The following DLC1 variants were observed in gnomAD, a reference collection of about 807,000 sequenced individuals.
The protein encoded by DLC1 is DLC1 Rho GTPase activating protein.
DLC1 carries 54 observed loss-of-function variants against 140.3 expected under a neutral mutation model. The ratio of observed to expected loss-of-function variants is 0.38; its 90% CI spans 0.31 to 0.48. DLC1 has a LOEUF of 0.48. DLC1 is among the 20% of genes least tolerant of loss of function. DLC1 has a pLI of 0.96. For missense variants in DLC1, 2,536 were observed against 1,907.0 expected (o/e 1.33, Z -6.14); for synonymous variants, 986 against 728.1 (o/e 1.35, Z -5.70).
chr8:13,373,430 T>C (rs899604051), intron 4 of DLC1, among the ~76,000 whole-genome samples: 4 of 152,184 alleles, frequency 2.6e-5, no homozygotes, highest in African/African-American at 9.7e-5. Flanking sequence ...AAGTTGTCCT[T>C]TCTGGGCTGA....
At chr8:13,268,860 T>G (rs1830797610) in intron 5 of DLC1, among the ~76,000 whole-genome samples, 1 of 151,262 alleles carries the variant, frequency 6.6e-6, no homozygotes, top group African/African-American at 2.4e-5. Context: ...CCCTCCCATC[T>G]GTGCTTCCTT....
intron 2 of DLC1, among the ~76,000 whole-genome samples, chr8:13,415,298 T>C (rs893767546): frequency 1.3e-5 from 2 of 152,158 alleles, no homozygotes; most frequent in African/African-American, 4.8e-5. Flanking sequence ...ATATTATTAG[T>C]CACTTGTTGT....
intron 4 of DLC1, chr8:13,341,393 C>T (rs951242036): frequency 1.3e-5 from 2 of 152,160 alleles, no homozygotes; most frequent in East Asian, 1.9e-4. Flanking sequence ...TGAACTCCAG[C>T]GTGCGTCAGA....
chr8:13,293,033 G>A (rs1831821749), intron 5 of DLC1, among the ~76,000 whole-genome samples: 1 of 152,058 alleles, frequency 6.6e-6, no homozygotes. Context: ...GACCAGCCTG[G>A]GCAACATGGT....
chr8:13,265,818 G>C (rs1254010241), intron 5 of DLC1, among the ~76,000 whole-genome samples: 1 of 146,454 alleles, frequency 6.8e-6, no homozygotes, highest in African/African-American at 2.5e-5. Flanking sequence ...CCATCTTCCA[G>C]TTTATTAACA....
At position 13,126,366 on chromosome 8, in the gene DLC1, CAT is replaced by C. The variant is rs1160534429; in HGVS notation, c.1349-10711_1349-10710del. 4.8e-3 allele frequency among the ~76,000 whole-genome samples: 626 copies of C among 130,514 alleles called. 9 individuals are homozygous for C. Among genetic ancestry groups the C allele is most frequent in the African/African-American group, 0.019 (609 of 32,054 alleles). 85.6% of individuals were successfully genotyped at this position (130,514 alleles called of 152,430 possible). The stretch of plus-strand genomic sequence containing the variant: ...ACAGGGACACACATATCTCTCTATC[CAT>C]ACACACACACACACACACACACACA... On this transcript the variant is annotated intron_variant, in intron 5 of 17. Coordinates refer to ENST00000276297, the MANE Select transcript of DLC1 (RefSeq NM_182643.3).
At chr8:13,537,301 A>G (rs1476858032) in intron 1 of DLC1, among the ~76,000 whole-genome samples, 1 of 152,192 alleles carries the variant, frequency 6.6e-6, no homozygotes, top group East Asian at 1.9e-4. Context: ...GGCCCTCCAC[A>G]ATAAACTGTG....
intron 7 of DLC1, among the ~76,000 whole-genome samples, chr8:13,109,633 C>G (rs1011907949): frequency 1.3e-5 from 2 of 151,726 alleles, no homozygotes; most frequent in East Asian, 3.9e-4. Context: ...GCCTGTAATC[C>G]CTGGACTTTG....
intron 5 of DLC1, among the ~76,000 whole-genome samples, chr8:13,297,547 C>T (rs768442711): frequency 9.9e-5 from 15 of 151,934 alleles, no homozygotes; most frequent in Non-Finnish European, 1.6e-4. Context: ...AAAACATTTG[C>T]TGATTTTTAC....
intron 1 of DLC1, among the ~76,000 whole-genome samples, chr8:13,599,983 A>T (rs181684551): frequency 6.6e-6 from 1 of 152,044 alleles, no homozygotes; most frequent in African/African-American, 2.4e-5. Context: ...CTTCACCATT[A>T]TCAAATGAGC....
chr8:13,231,751 G>C (rs80280872), intron 5 of DLC1, among the ~76,000 whole-genome samples: 3,226 of 152,310 alleles, frequency 0.021, 110 homozygotes, highest in African/African-American at 0.073. Context: ...GATGTGATCA[G>C]ATTAGTTTTA....
intron 5 of DLC1, among the ~76,000 whole-genome samples, chr8:13,147,663 A>C (rs1424344096): frequency 6.6e-6 from 1 of 151,894 alleles, no homozygotes; most frequent in African/African-American, 2.4e-5. Context: ...CAGCATACTT[A>C]TTATTATTAT....
intron 7 of DLC1, among the ~76,000 whole-genome samples, chr8:13,103,342 A>C (rs569692678): frequency 6.6e-6 from 1 of 151,458 alleles, no homozygotes; most frequent in African/African-American, 2.4e-5. Context: ...AAATAAATAA[A>C]TAAATAAATA....
chr8:13,483,906 C>G (rs913926849), intron 2 of DLC1, among the ~76,000 whole-genome samples: 1 of 151,896 alleles, frequency 6.6e-6, no homozygotes. Context: ...ACAGGGTGAA[C>G]CCAAATCTCT....
chr8:13,299,556 T>C lies in DLC1; in HGVS notation c.1348+5713A>G, dbSNP rs182255555. ...ATCTCCGCCTATCATCTGGTGCCAGTTGCATGCCACAGACCTAGGCAGAAG... is the reference window on the plus strand; with the variant it reads ...ATCTCCGCCTATCATCTGGTGCCAGCTGCATGCCACAGACCTAGGCAGAAG... On this transcript the variant is annotated intron_variant, in intron 5 of 17. Coordinates refer to ENST00000276297, the MANE Select transcript of DLC1 (RefSeq NM_182643.3). Among the ~76,000 whole-genome samples the C allele has an allele frequency of 2.7e-5, 4 of 150,408 alleles. No homozygotes were observed. In the East Asian group the frequency reaches 5.9e-4, roughly 22 times the overall value.
At chr8:13,575,903 A>T (rs1301506833) in intron 1 of DLC1, among the ~76,000 whole-genome samples, 1 of 152,192 alleles carries the variant, frequency 6.6e-6, no homozygotes, top group Non-Finnish European at 1.5e-5. Flanking sequence ...TGTAACCTTA[A>T]CATATTTTGA....
chr8:13,334,952 A>T (rs959932430), intron 4 of DLC1, among the ~76,000 whole-genome samples: 1 of 152,200 alleles, frequency 6.6e-6, no homozygotes, highest in African/African-American at 2.4e-5. Flanking sequence ...GTGACTGTTA[A>T]GGCTGTAATA....
intron 2 of DLC1, among the ~76,000 whole-genome samples, chr8:13,406,181 G>GTTTTTTTTTTTTTTTTTTT (rs77753653): frequency 2.4e-5 from 2 of 84,960 alleles, no homozygotes; most frequent in African/African-American, 4.8e-5. Context: ...TAATTTTTGT[G>GTTTTTTTTTTTTTTTTTTT]TTTTTTTTTT....
chr8:13,149,261 C>A (rs1368339103), intron 5 of DLC1, among the ~76,000 whole-genome samples: 1 of 152,164 alleles, frequency 6.6e-6, no homozygotes, highest in Non-Finnish European at 1.5e-5. Context: ...AGCTCTTTTT[C>A]CTAGCTCCTT....
Sources: gnomAD v4.1 joint callset for allele counts (sites outside exome capture counted in the v4.1 genomes callset) on GRCh38, gnomAD v4.1.1 for gene constraint, MANE v1.5 for transcripts, NCBI Gene and HGNC (gene_info 2026-07-23, HGNC 2026-07-21) for gene names.